USP49: variants seen among roughly 807,000 people sequenced by gnomAD.
USP49 encodes the protein ubiquitin specific peptidase 49.
Under a neutral mutation model 58.6 loss-of-function variants are expected in USP49, and 24 were observed. That is an observed-to-expected ratio of 0.41 (90% CI 0.30 to 0.58). The LOEUF (loss-of-function observed/expected upper bound fraction) is 0.58, where lower values mean the gene tolerates loss of function less well. USP49 is among the 20% of genes least tolerant of loss of function. USP49 has a pLI of 0.30. For missense variants in USP49, 703 were observed against 866.1 expected (o/e 0.81, Z 2.36); for synonymous variants, 408 against 365.1 (o/e 1.12, Z -1.34).
intron 3 of USP49, among the ~76,000 whole-genome samples, chr6:41,844,557 C>T (rs1773887798): frequency 6.6e-6 from 1 of 152,070 alleles, no homozygotes; most frequent in Non-Finnish European, 1.5e-5. Flanking sequence ...TCATGATCCG[C>T]CTGTCTTGGC....
At chr6:41,879,856 G>A (rs536031933) in intron 2 of USP49, among the ~76,000 whole-genome samples, 1 of 152,342 alleles carries the variant, frequency 6.6e-6, no homozygotes, top group African/African-American at 2.4e-5. Flanking sequence ...CTGACTGCTA[G>A]AGGTGTCCTC....
rs764113706 is a variant in USP49, at chr6:41,806,291, G to A, written c.693C>T (p.Thr231=). 4 of 1,597,434 alleles carry A rather than the reference G, an allele frequency of 2.5e-6. No homozygotes were observed. Among genetic ancestry groups the A allele is most frequent in the African/African-American group, 2.7e-5 (2 of 74,734 alleles). ...GTGTGGCGGCGGGCACTCTGCGTGA[G>A]GTAGGGAGGGCGGCGGGGCGCGAGG... ...PAASRPAALP[T]SRRVPAATLK... Residue 231 remains threonine, a synonymous_variant, in exon 4 of 8, where the codon ACC becomes ACT. Coordinates refer to ENST00000682992, the MANE Select transcript of USP49 (RefSeq NM_001286554.2). The surrounding 1 kb of genome is among the most constrained non-coding windows in gnomAD (Gnocchi z 5.9).
At chr6:41,849,316 G>A (rs1773979532) in intron 3 of USP49, among the ~76,000 whole-genome samples, 1 of 152,120 alleles carries the variant, frequency 6.6e-6, no homozygotes, top group African/African-American at 2.4e-5. Flanking sequence ...AACTTAGACA[G>A]AATTGAAGGG....
chr6:41,848,081 A>G (rs143073948), intron 3 of USP49, among the ~76,000 whole-genome samples: 14 of 152,364 alleles, frequency 9.2e-5, no homozygotes, highest in African/African-American at 3.4e-4. Flanking sequence ...CAGATTTACC[A>G]GCAGAAACTC....
chr6:41,822,079 T>C (rs1263149899), intron 3 of USP49, among the ~76,000 whole-genome samples: 1 of 152,188 alleles, frequency 6.6e-6, no homozygotes, highest in Non-Finnish European at 1.5e-5. Context: ...ATAATGTATG[T>C]ATAGTAGAGT....
At chr6:41,835,160 T>C (rs1264773250) in intron 3 of USP49, among the ~76,000 whole-genome samples, 2 of 152,196 alleles carry the variant, frequency 1.3e-5, no homozygotes, top group Non-Finnish European at 2.9e-5. Flanking sequence ...GTCTTATATT[T>C]GCTTGGTATA....
At chr6:41,813,027 A>G (rs916981672) in intron 3 of USP49, among the ~76,000 whole-genome samples, 1 of 152,202 alleles carries the variant, frequency 6.6e-6, no homozygotes, top group African/African-American at 2.4e-5. Context: ...GTACTATAGT[A>G]ACTAGTCACA....
chr6:41,800,034 A>G lies in USP49; in HGVS notation c.1562-96T>C, dbSNP rs973520615. 1.6e-5 allele frequency: 18 copies of G among 1,098,096 alleles called. No homozygotes were observed. In the African/African-American group the frequency reaches 2.0e-4, roughly 12 times the overall value. 68.0% of individuals were successfully genotyped at this position (1,098,096 alleles called of 1,614,324 possible). ...TTGCCATTCAATATGCATTCTCCAT[A>G]TTTCTCAGTATCTGAACCTCAATTT... is the stretch of plus-strand genomic sequence containing the variant. On this transcript the variant is annotated intron_variant, in intron 5 of 7. Transcript: ENST00000682992.
intron 3 of USP49, among the ~76,000 whole-genome samples, chr6:41,810,956 C>G (rs2127327068): frequency 6.6e-6 from 1 of 152,254 alleles, no homozygotes; most frequent in Admixed American, 6.5e-5. Flanking sequence ...GAGGTCAACC[C>G]AGAGAAGTTC....
chr6:41,867,290 T>C (rs1774334666), intron 3 of USP49, among the ~76,000 whole-genome samples: 1 of 152,190 alleles, frequency 6.6e-6, no homozygotes, highest in Non-Finnish European at 1.5e-5. Context: ...TCTACAACTT[T>C]CTGCTGACTG....
Position 41,806,526 on chromosome 6 carries a change from C to G in USP49, c.458G>C (p.Arg153Thr). ...LWYRRQRLLARTLRLWFEKSS... is the reference protein window; with the variant it reads ...LWYRRQRLLATTLRLWFEKSS... ...CTTCTCGAACCACAGCCGCAGCGTC[C>G]TGGCCAGCAGGCGCTGACGCCGGTA... Residue 153 changes from arginine (R) to threonine (T), a missense_variant, in exon 4 of 8, where the codon AGG (arginine) becomes ACG (threonine). Physicochemically the swap from Arg to Thr is moderately conservative, Grantham distance 71. Transcript: ENST00000682992. The surrounding 1 kb of genome is among the most constrained non-coding windows in gnomAD (Gnocchi z 5.9). 6.3e-7 allele frequency: 1 copy of G among 1,599,882 alleles called. No individual in the cohort carries two copies. Among genetic ancestry groups the G allele is most frequent in the Non-Finnish European group, 8.5e-7 (1 of 1,179,352 alleles).
intron 5 of USP49, among the ~76,000 whole-genome samples, chr6:41,801,078 G>C (rs1472892104): frequency 6.6e-6 from 1 of 152,222 alleles, no homozygotes; most frequent in Non-Finnish European, 1.5e-5. Flanking sequence ...TTATGGGTGT[G>C]AGCCCACTGT....
chr6:41,799,013 C>CTG, intron 6 of USP49, 84 bp from the exon 7 acceptor site: 1 of 1,493,204 alleles, frequency 6.7e-7, no homozygotes, highest in South Asian at 1.4e-5. Flanking sequence ...AAACAGGAAA[C>CTG]TGAGAAAATT....
chr6:41,841,269 CT>C (rs1465798609), intron 3 of USP49, among the ~76,000 whole-genome samples: 1 of 151,984 alleles, frequency 6.6e-6, no homozygotes, highest in Non-Finnish European at 1.5e-5. Context: ...ATTTGGATAT[CT>C]ATTAGGCATT....
At chr6:41,817,441 C>T (rs1488791441) in intron 3 of USP49, among the ~76,000 whole-genome samples, 4 of 145,054 alleles carry the variant, frequency 2.8e-5, no homozygotes, top group Admixed American at 1.4e-4. Context: ...CCACCACGCT[C>T]GGCCTTTCTT....
At chr6:41,890,040 A>G in intron 2 of USP49, among the ~76,000 whole-genome samples, 1 of 152,240 alleles carries the variant, frequency 6.6e-6, no homozygotes, top group Admixed American at 6.5e-5. Context: ...AACAATTCAC[A>G]TACTCAGTTA....
Position 41,807,923 on chromosome 6 carries a change from G to A in USP49, c.-28-912C>T, listed in dbSNP as rs879920893. 7.6e-4 allele frequency among the ~76,000 whole-genome samples: 113 copies of A among 148,186 alleles called. 1 individual carries two copies. The highest frequency in any genetic ancestry group is 1.6e-3 in the Admixed American group (24 of 14,832). On this transcript the variant is annotated intron_variant, in intron 3 of 7. Coordinates refer to ENST00000682992, the MANE Select transcript of USP49 (RefSeq NM_001286554.2). The stretch of plus-strand genomic sequence containing the variant: ...CAGGAAGCTGGGATTACAGGTGCGC[G>A]CACCACCACACCCGGCTAATTTTTT...
Position 41,796,243 on chromosome 6 carries a change from C to T in USP49, c.*290G>A, listed in dbSNP as rs902963704. The T allele has an allele frequency of 2.6e-5, 8 of 302,004 alleles. No homozygotes were observed. The highest frequency in any genetic ancestry group is 4.4e-5 in the Non-Finnish European group (7 of 159,650). The allele number at this position is 302,004 out of a possible 1,614,324, so 18.7% of individuals were successfully genotyped here. On this transcript the variant is annotated 3_prime_UTR_variant, in exon 8 of 8. Transcript: ENST00000682992. ...CTGTGTGGATATGATTGATTTACCC[C>T]CCCGCCCCGCTTTCCTCCACCCAGA...
intron 3 of USP49, among the ~76,000 whole-genome samples, chr6:41,815,275 G>C (rs546412222): frequency 1.3e-5 from 2 of 152,132 alleles, no homozygotes; most frequent in African/African-American, 2.4e-5. Flanking sequence ...CAAAAAATTA[G>C]CTGGGCATAG....
Sources: gnomAD v4.1 joint callset for allele counts (sites outside exome capture counted in the v4.1 genomes callset) on GRCh38, gnomAD v4.1.1 for gene constraint, Gnocchi (gnomAD v3.1) non-coding constraint, MANE v1.5 for transcripts, NCBI Gene and HGNC (gene_info 2026-07-23, HGNC 2026-07-21) for gene names.